The following MALRD1 variants were observed in gnomAD, a reference collection of about 807,000 sequenced individuals.
MALRD1 encodes the protein MAM and LDL receptor class A domain containing 1.
Under a neutral mutation model 242.1 loss-of-function variants are expected in MALRD1, and 247 were observed. The ratio of observed to expected loss-of-function variants is 1.02; its 90% CI spans 0.92 to 1.13. The LOEUF is 1.13. Ranked by LOEUF, MALRD1 falls within the 50% of genes most tolerant of loss-of-function variation. The pLI is 0.00. For synonymous variants in MALRD1, 995 were observed against 866.6 expected, an observed-to-expected ratio of 1.15 and a Z score of -2.60; for missense variants, 2,989 against 2,533.1, an observed-to-expected ratio of 1.18 and a Z score of -3.86.
intron 36 of MALRD1, chr10:19,633,663 A>C (rs754212979): frequency 1.3e-5 from 2 of 152,074 alleles, no homozygotes; most frequent in Non-Finnish European, 2.9e-5. Flanking sequence ...GTGAAAAAAC[A>C]CTTACAGATT....
At chr10:19,163,770 A>T (rs1333120882) in intron 12 of MALRD1, among the ~76,000 whole-genome samples, 1 of 152,244 alleles carries the variant, frequency 6.6e-6, no homozygotes, top group African/African-American at 2.4e-5. Flanking sequence ...TTGGTATTTA[A>T]TAACTTAAGA....
chr10:19,582,106 T>G (rs1439688097), intron 33 of MALRD1, among the ~76,000 whole-genome samples: 1 of 152,106 alleles, frequency 6.6e-6, no homozygotes, highest in Non-Finnish European at 1.5e-5. Flanking sequence ...GAGTTCATTG[T>G]AGATCCTGGA....
At chr10:19,691,662 C>G (rs1018862370) in intron 36 of MALRD1, among the ~76,000 whole-genome samples, 1 of 152,066 alleles carries the variant, frequency 6.6e-6, no homozygotes, top group Admixed American at 6.6e-5. Context: ...TCATTCGTAA[C>G]TTTCTCAAGA....
intron 32 of MALRD1, among the ~76,000 whole-genome samples, chr10:19,547,818 A>ATTTT (rs869038128): frequency 2.4e-4 from 4 of 16,916 alleles, no homozygotes; most frequent in East Asian, 3.5e-3. Flanking sequence ...ATATATATAT[A>ATTTT]TTTTTTTTTT....
chr10:19,175,346 G>A lies in MALRD1; in HGVS notation c.1951+18G>A, dbSNP rs926582338. The A allele has an allele frequency of 9.0e-6, 11 of 1,226,486 alleles. No individual in the cohort carries two copies. Among genetic ancestry groups the A allele is most frequent in the East Asian group, 3.2e-5 (1 of 31,284 alleles). 76.0% of individuals were successfully genotyped at this position (1,226,486 alleles called of 1,614,324 possible). On this transcript the variant is annotated intron_variant, in intron 14 of 39. Coordinates refer to ENST00000454679, the MANE Select transcript of MALRD1 (RefSeq NM_001142308.3). ...AAGCAAGTGTAAGTTTTTCCTTGTC[G>A]TTGTTGCTGTTTTAAACATTGAATT...
chr10:19,714,640 C>T (rs1350092324), intron 38 of MALRD1, among the ~76,000 whole-genome samples: 4 of 152,162 alleles, frequency 2.6e-5, no homozygotes, highest in Non-Finnish European at 4.4e-5. Flanking sequence ...CAGCACTTCC[C>T]TGTCCCCCTC....
At chr10:19,480,280 A>G (rs2131174465) in intron 29 of MALRD1, among the ~76,000 whole-genome samples, 1 of 152,328 alleles carries the variant, frequency 6.6e-6, no homozygotes, top group South Asian at 2.1e-4. Context: ...AAAATGTACA[A>G]TAAGTGTTTA....
intron 36 of MALRD1, among the ~76,000 whole-genome samples, chr10:19,643,761 G>A (rs760020606): frequency 1.3e-5 from 2 of 152,042 alleles, no homozygotes; most frequent in African/African-American, 2.4e-5. Context: ...TGCGTTTCCC[G>A]TTTTCTATCT....
At position 19,607,835 on chromosome 10, in the gene MALRD1, A is replaced by G; in HGVS notation, c.6003A>G (p.Pro2001=). Residue 2001 remains proline (P), a synonymous_variant, in exon 35 of 40, where the codon CCA becomes CCG. Transcript: ENST00000454679. ...GTGCCTCCTCCAACAGCTGTATCCC[A>G]GCCCACCAGCGCTGTGATGGTTTTG... ...LVCASSNSCI[P]AHQRCDGFAD... is the part of the protein sequence containing the mutation. The G allele has an allele frequency of 5.8e-6, 9 of 1,549,788 alleles. No individual in the cohort carries two copies. Among genetic ancestry groups the G allele is most frequent in the Non-Finnish European group, 7.0e-6 (8 of 1,146,530 alleles).
chr10:19,320,204 G>T (rs917167739), intron 21 of MALRD1, among the ~76,000 whole-genome samples: 3 of 151,376 alleles, frequency 2.0e-5, no homozygotes, highest in African/African-American at 7.3e-5. Flanking sequence ...TGTTTGTCGT[G>T]ATGCTCTCCC....
At chr10:19,499,717 G>A (rs904470253) in intron 31 of MALRD1, among the ~76,000 whole-genome samples, 1 of 152,104 alleles carries the variant, frequency 6.6e-6, no homozygotes. Flanking sequence ...CAGTAAAAAA[G>A]AACGAGATTA....
chr10:19,323,661 T>A (rs2130894475), intron 21 of MALRD1, among the ~76,000 whole-genome samples: 2 of 152,264 alleles, frequency 1.3e-5, no homozygotes, highest in Admixed American at 1.3e-4. Context: ...CAGACGGGAG[T>A]GCAATGGCGC....
chr10:19,188,792 T>C (rs1020161129), intron 14 of MALRD1, among the ~76,000 whole-genome samples: 3 of 151,994 alleles, frequency 2.0e-5, no homozygotes, highest in Non-Finnish European at 4.4e-5. Context: ...GAAAGAGCAG[T>C]TGGGGAGTAT....
At chr10:19,115,646 T>TAA (rs148339061) in intron 5 of MALRD1, among the ~76,000 whole-genome samples, 1 of 152,038 alleles carries the variant, frequency 6.6e-6, no homozygotes, top group African/African-American at 2.4e-5. Context: ...CTCTTTACTA[T>TAA]AAAAATATAT....
rs567208859 is a variant in MALRD1 at position 19,531,322 on chromosome 10, A to G, written c.5449A>G (p.Ile1817Val). Reference sequence around the variant, plus strand: ...TACTGTTCGGTTCTGGTTCTACATGATTGATCCCAGGAGTATGGGAATATT... The same window carrying G: ...TACTGTTCGGTTCTGGTTCTACATGGTTGATCCCAGGAGTATGGGAATATT... ...MCTVRFWFYM[I>V]DPRSMGILKV... is the part of the protein sequence containing the mutation. Residue 1817 changes from isoleucine to valine, a missense_variant, in exon 32 of 40, where the codon ATT becomes GTT. Physicochemically the swap from Ile to Val is conservative, Grantham distance 29. Coordinates refer to ENST00000454679, the MANE Select transcript of MALRD1 (RefSeq NM_001142308.3). 38 of 1,548,786 alleles carry G rather than the reference A, an allele frequency of 2.5e-5. No homozygotes were observed. The highest frequency in any genetic ancestry group is 3.2e-5 in the Non-Finnish European group (37 of 1,145,712).
intron 19 of MALRD1, among the ~76,000 whole-genome samples, chr10:19,270,278 G>A (rs909467148): frequency 2.0e-5 from 3 of 151,402 alleles, no homozygotes; most frequent in African/African-American, 7.3e-5. Context: ...TCGCGCCACT[G>A]CACTCCAGCC....
At chr10:19,510,294 A>G (rs1385144241) in intron 31 of MALRD1, among the ~76,000 whole-genome samples, 13 of 152,126 alleles carry the variant, frequency 8.5e-5, no homozygotes, top group Admixed American at 5.9e-4. Flanking sequence ...TCTTACCTCA[A>G]CTGCAAAGAG....
At chr10:19,159,780 C>T (rs1249150222) in intron 12 of MALRD1, among the ~76,000 whole-genome samples, 1 of 152,148 alleles carries the variant, frequency 6.6e-6, no homozygotes, top group East Asian at 1.9e-4. Flanking sequence ...GCCAATGGAA[C>T]TAAGACTGTC....
chr10:19,052,215 C>G, intron 1 of MALRD1: 1 of 288,300 alleles, frequency 3.5e-6, no homozygotes, highest in Non-Finnish European at 6.7e-6. Context: ...AACCACAGGC[C>G]CTTCCCCTTT....
Sources: allele counts gnomAD v4.1 joint callset (sites outside exome capture counted in the v4.1 genomes callset), GRCh38; gene constraint gnomAD v4.1.1; transcripts MANE v1.5; gene names NCBI Gene and HGNC (gene_info 2026-07-23, HGNC 2026-07-21).